GALNT10: variants seen among roughly 807,000 people sequenced by gnomAD.
GALNT10 encodes the protein polypeptide N-acetylgalactosaminyltransferase 10.
Under a neutral mutation model 75.0 loss-of-function variants are expected in GALNT10, and 41 were observed. The ratio of observed to expected loss-of-function variants is 0.55; its 90% CI spans 0.43 to 0.71. The LOEUF is 0.71. Ranked by LOEUF, GALNT10 falls within the 30% of genes least tolerant of loss-of-function variation. The pLI is 0.00. For synonymous variants in GALNT10, 302 were observed against 313.0 expected (o/e 0.96, Z 0.37); for missense variants, 727 against 818.5 (o/e 0.89, Z 1.36).
chr5:154,326,529 TG>T (rs1263269134), intron 3 of GALNT10, among the ~76,000 whole-genome samples: 20 of 152,220 alleles, frequency 1.3e-4, no homozygotes, highest in Admixed American at 1.2e-3. Context: ...ATAAATAAAA[TG>T]TGGTGAATTC....
chr5:154,380,090 G>A (rs1755711146), intron 5 of GALNT10, among the ~76,000 whole-genome samples: 1 of 152,182 alleles, frequency 6.6e-6, no homozygotes, highest in Non-Finnish European at 1.5e-5. Context: ...TTTTTCCATA[G>A]TGGTACTGAT....
At chr5:154,362,521 G>A (rs1050832382) in intron 4 of GALNT10, among the ~76,000 whole-genome samples, 1 of 152,188 alleles carries the variant, frequency 6.6e-6, no homozygotes, top group Non-Finnish European at 1.5e-5. Flanking sequence ...GTCTCTCTAC[G>A]CTAATTACTA....
In GALNT10 at chr5:154,213,725, G is replaced by C. The variant is rs144340653; in HGVS notation, c.159+22700G>C. 1.0e-3 allele frequency among the ~76,000 whole-genome samples: 158 copies of C among 152,212 alleles called. 1 individual carries two copies. The highest frequency in any genetic ancestry group is 3.6e-3 in the African/African-American group (151 of 41,502). On this transcript the variant is annotated intron_variant, in intron 1 of 11. Coordinates refer to ENST00000297107, the MANE Select transcript of GALNT10 (RefSeq NM_198321.4). ...ACACCCCCGGTTGCTGGGACTATAG[G>C]CAGGTGCCACCATGCTGGCTAGTTT...
intron 1 of GALNT10, among the ~76,000 whole-genome samples, chr5:154,270,877 C>T (rs1753850506): frequency 6.6e-6 from 1 of 151,738 alleles, no homozygotes; most frequent in Non-Finnish European, 1.5e-5. Flanking sequence ...ACCTGTAGTC[C>T]CAGCTACTCG....
At chr5:154,349,050 G>T (rs550294439) in intron 4 of GALNT10, among the ~76,000 whole-genome samples, 141 of 152,222 alleles carry the variant, frequency 9.3e-4, no homozygotes, top group South Asian at 4.2e-3. Flanking sequence ...GCTCTCACTT[G>T]AGGTTAGACT....
At chr5:154,261,118 T>G (rs1753692803) in intron 1 of GALNT10, among the ~76,000 whole-genome samples, 1 of 152,210 alleles carries the variant, frequency 6.6e-6, no homozygotes, top group African/African-American at 2.4e-5. Flanking sequence ...TTGAAGAGTC[T>G]GACTTCACAG....
chr5:154,241,878 G>A (rs1041485648), intron 1 of GALNT10, among the ~76,000 whole-genome samples: 1 of 152,138 alleles, frequency 6.6e-6, no homozygotes, highest in Non-Finnish European at 1.5e-5. Context: ...TCATCATAAG[G>A]CTTTTTGAAT....
At position 154,412,908 on chromosome 5, in the gene GALNT10, G is replaced by A. The variant is rs747919127; in HGVS notation, c.1406G>A (p.Gly469Glu). The A allele has an allele frequency of 4.3e-6, 7 of 1,611,846 alleles. No homozygotes were observed. Among genetic ancestry groups the A allele is most frequent in the Non-Finnish European group, 5.9e-6 (7 of 1,178,046 alleles). The change falls in exon 10 of 12, where the codon GGG (glycine) becomes GAG (glutamate). Residue 469 changes from glycine (G) to glutamate (E), a missense_variant. Physicochemically the swap from Gly to Glu is moderately conservative, Grantham distance 98. Transcript: ENST00000297107. This position sits in a 1 kb window ranked among gnomAD's most constrained non-coding sequence, Gnocchi z 4.2. ...AWGEIRNVGT[G>E]LCADTKHGAL... ...TTTCAGATCCGAAATGTGGGCACAG[G>A]GCTGTGTGCAGACACAAAGCACGGG...
intron 3 of GALNT10, among the ~76,000 whole-genome samples, chr5:154,304,959 A>T (rs950680372): frequency 6.6e-6 from 1 of 152,250 alleles, no homozygotes; most frequent in African/African-American, 2.4e-5. Flanking sequence ...AATCATAAAA[A>T]GTAATCCAAA....
At chr5:154,197,394 T>C (rs1375940031) in intron 1 of GALNT10, among the ~76,000 whole-genome samples, 3 of 152,168 alleles carry the variant, frequency 2.0e-5, no homozygotes, top group Non-Finnish European at 4.4e-5. Flanking sequence ...GGTGGAGTGT[T>C]CATACTTTGG....
At chr5:154,415,640 C>T (rs1756487944) in intron 10 of GALNT10, 143 bp from the exon 11 acceptor site, 2 of 828,338 alleles carry the variant, frequency 2.4e-6, no homozygotes, top group East Asian at 5.0e-5. Flanking sequence ...AAGTTAGTAA[C>T]TTTTAAAGCT....
chr5:154,208,185 C>G (rs1301927925), intron 1 of GALNT10, among the ~76,000 whole-genome samples: 1 of 152,160 alleles, frequency 6.6e-6, no homozygotes, highest in Admixed American at 6.5e-5. Flanking sequence ...TGGTTCTCTG[C>G]TAAGCACTTG....
rs1233671872 is a variant in GALNT10, at chr5:154,409,038, C to T, written c.1165-503C>T. Among the ~76,000 whole-genome samples, 3 of 152,148 alleles carry T rather than the reference C, an allele frequency of 2.0e-5. No individual in the cohort carries two copies. Among genetic ancestry groups the T allele is most frequent in the Non-Finnish European group, 4.4e-5 (3 of 68,028 alleles). On this transcript the variant is annotated intron_variant, in intron 8 of 11. Transcript: ENST00000297107. The surrounding 1 kb of genome is among the most constrained non-coding windows in gnomAD (Gnocchi z 4.5). ...ATGGCCCAGCAGCTCTGGCTGGCATCCTGTCTTACCCAGCAATCCAAGCAG... is the reference window on the plus strand; with the variant it reads ...ATGGCCCAGCAGCTCTGGCTGGCATTCTGTCTTACCCAGCAATCCAAGCAG...
intron 7 of GALNT10, among the ~76,000 whole-genome samples, chr5:154,393,929 G>C (rs1277639274): frequency 6.6e-6 from 1 of 152,170 alleles, no homozygotes; most frequent in African/African-American, 2.4e-5. Flanking sequence ...CACATTGTTG[G>C]GGCCATTTGC....
chr5:154,359,695 AAGCCAAGATTTTGACC>A (rs1051729044), intron 4 of GALNT10, among the ~76,000 whole-genome samples: 11 of 151,760 alleles, frequency 7.2e-5, no homozygotes, highest in African/African-American at 2.7e-4. Context: ...GTGTCACCAC[AAGCCAAGATTTTGACC>A]AGCTCTAAAA....
chr5:154,277,369 C>G (rs1753968416), intron 1 of GALNT10, among the ~76,000 whole-genome samples: 1 of 151,952 alleles, frequency 6.6e-6, no homozygotes, highest in East Asian at 1.9e-4. Flanking sequence ...TCTCTCGAAG[C>G]TTGGACTCAA....
chr5:154,273,434 A>G (rs1422783), intron 1 of GALNT10, among the ~76,000 whole-genome samples: 55,320 of 152,062 alleles, frequency 0.36, 12,069 homozygotes, highest in East Asian at 0.76. Context: ...TCATGCTGCA[A>G]GTGGACTGGG....
At chr5:154,244,354 G>A (rs1753387747) in intron 1 of GALNT10, among the ~76,000 whole-genome samples, 1 of 152,070 alleles carries the variant, frequency 6.6e-6, no homozygotes, top group Non-Finnish European at 1.5e-5. Context: ...ATTGCTTGAG[G>A]CTGGGTATTT....
chr5:154,397,858 G>A (rs1206947680), intron 7 of GALNT10, among the ~76,000 whole-genome samples: 2 of 152,096 alleles, frequency 1.3e-5, no homozygotes, highest in African/African-American at 4.8e-5. Flanking sequence ...CTGCCCTCTC[G>A]GGTTCCCCTC....
Sources: allele counts gnomAD v4.1 joint callset (sites outside exome capture counted in the v4.1 genomes callset), GRCh38; gene constraint gnomAD v4.1.1; non-coding constraint Gnocchi (gnomAD v3.1); transcripts MANE v1.5; gene names NCBI Gene and HGNC (gene_info 2026-07-23, HGNC 2026-07-21).